Variants in VEPH1 observed in about 807,000 individuals in gnomAD.
The protein encoded by VEPH1 is ventricular zone-expressed PH domain-containing protein homolog 1.
Under a neutral mutation model 85.2 loss-of-function variants are expected in VEPH1, and 80 were observed. The observed-to-expected ratio is 0.94, with a 90% CI of 0.78 to 1.13. The LOEUF (loss-of-function observed/expected upper bound fraction) is 1.13. Among genes scored for constraint, VEPH1 ranks in the 50% most tolerant of loss-of-function variants. The pLI is 0.00. For missense variants in VEPH1, 955 were observed against 980.5 expected (o/e 0.97, Z 0.35); for synonymous variants, 297 against 348.0 (o/e 0.85, Z 1.63).
chr3:157,486,944 C>T (rs922304793), intron 2 of VEPH1, among the ~76,000 whole-genome samples: 1 of 151,916 alleles, frequency 6.6e-6, no homozygotes, highest in East Asian at 1.9e-4. Flanking sequence ...GAGGAAGTCA[C>T]AATAAAACTA....
At chr3:157,365,488 T>A (rs753811959) in intron 7 of VEPH1, among the ~76,000 whole-genome samples, 1 of 152,082 alleles carries the variant, frequency 6.6e-6, no homozygotes, top group Non-Finnish European at 1.5e-5. Flanking sequence ...CAACTGGGTG[T>A]CCTACAGTTC....
intron 11 of VEPH1, among the ~76,000 whole-genome samples, chr3:157,302,887 A>G (rs1053045441): frequency 2.6e-5 from 4 of 151,148 alleles, no homozygotes; most frequent in African/African-American, 9.8e-5. Context: ...ACTTTTGGGT[A>G]GGTGTGACCA....
intron 11 of VEPH1, among the ~76,000 whole-genome samples, chr3:157,294,578 T>C (rs917855709): frequency 1.3e-5 from 2 of 152,186 alleles, no homozygotes; most frequent in African/African-American, 2.4e-5. Flanking sequence ...GCACCAAGGG[T>C]GCCCCCATCT....
At chr3:157,294,061 A>C (rs1717837777) in intron 11 of VEPH1, among the ~76,000 whole-genome samples, 1 of 152,196 alleles carries the variant, frequency 6.6e-6, no homozygotes, top group African/African-American at 2.4e-5. Flanking sequence ...CATTCAACAA[A>C]TATTTAGTAC....
At chr3:157,383,876 A>T (rs1443243891) in intron 6 of VEPH1, among the ~76,000 whole-genome samples, 1 of 152,126 alleles carries the variant, frequency 6.6e-6, no homozygotes, top group Non-Finnish European at 1.5e-5. Flanking sequence ...ATGCTCTTGG[A>T]TCCAACAGTT....
At position 157,304,036 on chromosome 3, in the gene VEPH1, T is replaced by C. The variant is rs201019929; in HGVS notation, c.2010+9585A>G. Among the ~76,000 whole-genome samples, 16 of 70,230 alleles carry C rather than the reference T, an allele frequency of 2.3e-4. 1 individual carries two copies. Among genetic ancestry groups the C allele is most frequent in the East Asian group, 8.2e-4 (2 of 2,426 alleles). The allele number at this position is 70,230 out of a possible 152,430, so 46.1% of individuals were successfully genotyped here. On this transcript the variant is annotated intron_variant, in intron 11 of 13. Coordinates refer to ENST00000362010, the MANE Select transcript of VEPH1 (RefSeq NM_001167912.2). ...ATCTTATATTTTTTATATATATATATATACACACATACTGTTACATCTTAT... is the reference window on the plus strand; with the variant it reads ...ATCTTATATTTTTTATATATATATACATACACACATACTGTTACATCTTAT...
At chr3:157,282,257 A>T (rs1341029122) in intron 12 of VEPH1, among the ~76,000 whole-genome samples, 2 of 152,064 alleles carry the variant, frequency 1.3e-5, no homozygotes, top group Non-Finnish European at 2.9e-5. Flanking sequence ...TGCAGTGGCT[A>T]TTCATAGGCA....
intron 4 of VEPH1, among the ~76,000 whole-genome samples, chr3:157,439,289 G>A (rs566501132): frequency 1.3e-5 from 2 of 152,270 alleles, no homozygotes; most frequent in South Asian, 4.1e-4. Flanking sequence ...ATTAGTTAGA[G>A]CAGAAGAGGG....
At chr3:157,402,253 CT>C (rs935009226) in intron 6 of VEPH1, among the ~76,000 whole-genome samples, 25 of 152,150 alleles carry the variant, frequency 1.6e-4, no homozygotes, top group African/African-American at 5.1e-4. Flanking sequence ...CTCTTACCCC[CT>C]AGCTTTATTT....
intron 11 of VEPH1, among the ~76,000 whole-genome samples, chr3:157,291,369 ATAGTGTCTAG>A (rs1205117772): frequency 1.3e-5 from 2 of 152,250 alleles, no homozygotes; most frequent in African/African-American, 2.4e-5. Context: ...TGTTATAGGC[ATAGTGTCTAG>A]TAGGAAATGC....
At chr3:157,413,469 A>T in intron 6 of VEPH1, 1 of 985,386 alleles carries the variant, frequency 1.0e-6, no homozygotes. Context: ...CTCCTGGGTT[A>T]AGAGAAATTG....
At chr3:157,288,743 A>G (rs149568000) in intron 11 of VEPH1, among the ~76,000 whole-genome samples, 87 of 152,354 alleles carry the variant, frequency 5.7e-4, no homozygotes, top group African/African-American at 2.1e-3. Context: ...ATCACATAGC[A>G]AGCACTAAAC....
chr3:157,479,284 T>C (rs1033134685), intron 2 of VEPH1, among the ~76,000 whole-genome samples: 3 of 152,210 alleles, frequency 2.0e-5, no homozygotes, highest in Admixed American at 1.3e-4. Flanking sequence ...AGAGTCATTC[T>C]CACAGTGACC....
chr3:157,437,777 C>A (rs761139276), intron 4 of VEPH1: 6 of 1,481,008 alleles, frequency 4.1e-6, no homozygotes, highest in South Asian at 2.6e-5. Flanking sequence ...CGCAGGCTGG[C>A]GCGTATGGAG....
chr3:157,272,526 T>C (rs562920939), intron 12 of VEPH1, among the ~76,000 whole-genome samples: 3 of 150,494 alleles, frequency 2.0e-5, no homozygotes, highest in African/African-American at 7.3e-5. Flanking sequence ...GACACAATCA[T>C]GACTCACTGC....
At chr3:157,304,696 T>C (rs1719266058) in intron 11 of VEPH1, among the ~76,000 whole-genome samples, 1 of 152,236 alleles carries the variant, frequency 6.6e-6, no homozygotes, top group African/African-American at 2.4e-5. Context: ...TCTATTTTTC[T>C]TCAAGTAAAC....
At chr3:157,316,545 TAAG>T (rs1462134088) in intron 10 of VEPH1, among the ~76,000 whole-genome samples, 2 of 150,970 alleles carry the variant, frequency 1.3e-5, no homozygotes, top group Non-Finnish European at 3.0e-5. Context: ...TATTTTCAAA[TAAG>T]AATCTCTTTT....
Position 157,353,200 on chromosome 3 carries a change from T to C in VEPH1, c.1735+10164A>G, listed in dbSNP as rs149039562. ...TAAAAATTTCCAAACCTTGCAGAAA[T>C]ATTTACATTAAAATGTTCAAATTTC... On this transcript the variant is annotated intron_variant, in intron 9 of 13. Transcript: ENST00000362010. Among the ~76,000 whole-genome samples the C allele has an allele frequency of 4.2e-3, 644 of 152,280 alleles. 7 individuals carry two copies. The highest frequency in any genetic ancestry group is 0.015 in the African/African-American group (616 of 41,540).
At chr3:157,448,523 G>A (rs1734717974) in intron 4 of VEPH1, among the ~76,000 whole-genome samples, 2 of 152,158 alleles carry the variant, frequency 1.3e-5, no homozygotes, top group African/African-American at 2.4e-5. Context: ...TAAACCCTCA[G>A]ATAATCCACT....
Sources: allele counts gnomAD v4.1 joint callset (sites outside exome capture counted in the v4.1 genomes callset), GRCh38; gene constraint gnomAD v4.1.1; transcripts MANE v1.5; gene names NCBI Gene and HGNC (gene_info 2026-07-23, HGNC 2026-07-21).